Variants in DISC1 observed in about 807,000 individuals in gnomAD.
DISC1 encodes the protein disrupted in schizophrenia 1 protein.
A neutral mutation model predicts 84.5 loss-of-function variants in DISC1; 57 were observed. That is an observed-to-expected ratio of 0.67 (90% CI 0.55 to 0.84). The LOEUF is 0.84. DISC1 is among the 40% of genes least tolerant of loss of function. DISC1 has a pLI of 0.00. For missense variants in DISC1, 1,000 were observed against 1,057.8 expected (o/e 0.95, Z 0.76); for synonymous variants, 411 against 415.2 (o/e 0.99, Z 0.12).
At chr1:231,774,964 C>T (rs2076849119) in intron 6 of DISC1, 5 of 346,858 alleles carry the variant, frequency 1.4e-5, no homozygotes, top group Non-Finnish European at 2.9e-5. Context: ...ATGAACCCAT[C>T]TTACATACAT....
chr1:231,982,824 G>A (rs1411998713), intron 10 of DISC1, among the ~76,000 whole-genome samples: 4 of 152,172 alleles, frequency 2.6e-5, no homozygotes, highest in African/African-American at 4.8e-5. Context: ...AGGGTACATC[G>A]TAAGAGCAAG....
chr1:231,730,612 C>T (rs2071392327), intron 3 of DISC1, among the ~76,000 whole-genome samples: 1 of 152,056 alleles, frequency 6.6e-6, no homozygotes, highest in South Asian at 2.1e-4. Flanking sequence ...TGGAATTGGC[C>T]CAATAACAAC....
At chr1:232,022,298 G>A (rs1258012311) in intron 11 of DISC1, among the ~76,000 whole-genome samples, 2 of 150,742 alleles carry the variant, frequency 1.3e-5, no homozygotes, top group African/African-American at 4.9e-5. Flanking sequence ...TTGCACAGCT[G>A]ATACCCATGG....
At chr1:231,647,168 GT>G (rs1411889609) in intron 1 of DISC1, among the ~76,000 whole-genome samples, 1 of 152,122 alleles carries the variant, frequency 6.6e-6, no homozygotes, top group African/African-American at 2.4e-5. Context: ...TATTGCCTAG[GT>G]TTTCTTCTAG....
intron 6 of DISC1, among the ~76,000 whole-genome samples, chr1:231,771,835 G>T (rs1009102402): frequency 2.0e-5 from 3 of 152,094 alleles, no homozygotes; most frequent in Non-Finnish European, 4.4e-5. Context: ...ACAGGGTCTT[G>T]CTTTGTTGCC....
chr1:231,848,206 T>G (rs115640934), intron 9 of DISC1, among the ~76,000 whole-genome samples: 284 of 152,294 alleles, frequency 1.9e-3, no homozygotes, highest in African/African-American at 6.6e-3. Context: ...CCCTGTCCCT[T>G]GCATAACAGG....
chr1:231,838,371 G>A (rs1181804977), intron 9 of DISC1, among the ~76,000 whole-genome samples: 3 of 152,096 alleles, frequency 2.0e-5, no homozygotes, highest in Admixed American at 2.0e-4. Context: ...GAACTTTCCA[G>A]GCAAATGAAT....
chr1:231,794,391 T>TTA (rs775421109), intron 6 of DISC1, among the ~76,000 whole-genome samples: 14 of 152,250 alleles, frequency 9.2e-5, no homozygotes, highest in Non-Finnish European at 1.8e-4. Context: ...TGACAGCTTT[T>TTA]ATGTAGCAGT....
chr1:231,804,278 A>G (rs1573948615), intron 8 of DISC1, among the ~76,000 whole-genome samples: 1 of 152,198 alleles, frequency 6.6e-6, no homozygotes, highest in Non-Finnish European at 1.5e-5. Context: ...AAAGTGCCAC[A>G]GTATTTATTG....
chr1:232,026,433 A>G lies in DISC1; in HGVS notation c.2308-2A>G, dbSNP rs1669474650. On this transcript the variant is annotated splice_acceptor_variant, in intron 11 of 12. Coordinates refer to ENST00000439617, the MANE Select transcript of DISC1 (RefSeq NM_018662.3). LOFTEE classifies it high-confidence loss of function. The stretch of plus-strand genomic sequence containing the variant: ...GTGATCTTGTTTTCCCCCTCTCGCC[A>G]GGAATCTTACATCCTTTCTGCAGAA... The G allele has an allele frequency of 6.3e-7, 1 of 1,593,844 alleles. No homozygotes were observed. Among genetic ancestry groups the G allele is most frequent in the Non-Finnish European group, 8.6e-7 (1 of 1,168,170 alleles).
At chr1:231,733,206 A>G (rs946613685) in intron 3 of DISC1, among the ~76,000 whole-genome samples, 1 of 108,750 alleles carries the variant, frequency 9.2e-6, no homozygotes, top group Non-Finnish European at 1.9e-5. Flanking sequence ...TTGCTCAGGA[A>G]GAGTGTAGGA....
intron 1 of DISC1, among the ~76,000 whole-genome samples, chr1:231,683,294 C>G (rs896676740): frequency 5.3e-5 from 8 of 152,224 alleles, no homozygotes; most frequent in African/African-American, 1.9e-4. Context: ...GCCTTCCAGT[C>G]CTGACTGCCT....
At chr1:231,667,800 A>G (rs981828282) in intron 1 of DISC1, among the ~76,000 whole-genome samples, 2 of 152,198 alleles carry the variant, frequency 1.3e-5, no homozygotes, top group Admixed American at 1.3e-4. Flanking sequence ...TAAAAAATAA[A>G]TATTATTAGC....
chr1:231,806,455 C>CCTG (rs1289561649), intron 8 of DISC1, among the ~76,000 whole-genome samples: 2 of 152,314 alleles, frequency 1.3e-5, no homozygotes, highest in African/African-American at 4.8e-5. Flanking sequence ...GCCTGGGAGA[C>CCTG]CTGCTGGCTT....
intron 10 of DISC1, among the ~76,000 whole-genome samples, chr1:232,004,485 A>T (rs980577295): frequency 2.6e-5 from 4 of 152,204 alleles, no homozygotes; most frequent in African/African-American, 7.2e-5. Context: ...TATATAAAGG[A>T]TATAAAATAT....
intron 10 of DISC1, among the ~76,000 whole-genome samples, chr1:231,984,849 G>A (rs1664169664): frequency 6.6e-6 from 1 of 152,182 alleles, no homozygotes; most frequent in African/African-American, 2.4e-5. Flanking sequence ...GCCGACACAA[G>A]TAAGGGGTTG....
At chr1:231,899,520 A>G (rs2087980863) in intron 9 of DISC1, among the ~76,000 whole-genome samples, 1 of 152,184 alleles carries the variant, frequency 6.6e-6, no homozygotes, top group African/African-American at 2.4e-5. Flanking sequence ...AGTTTTACCT[A>G]ATTAAAATGC....
At chr1:231,906,162 A>T (rs547852854) in intron 9 of DISC1, among the ~76,000 whole-genome samples, 4 of 151,628 alleles carry the variant, frequency 2.6e-5, no homozygotes. Context: ...AGCTGGGACC[A>T]CAGACATGCG....
intron 4 of DISC1, among the ~76,000 whole-genome samples, chr1:231,751,936 A>G (rs920282197): frequency 6.6e-6 from 1 of 152,248 alleles, no homozygotes; most frequent in African/African-American, 2.4e-5. Flanking sequence ...TGATATCTAC[A>G]TGTATAGAGA....
Sources: allele counts gnomAD v4.1 joint callset (sites outside exome capture counted in the v4.1 genomes callset), GRCh38; gene constraint gnomAD v4.1.1; transcripts MANE v1.5; gene names NCBI Gene and HGNC (gene_info 2026-07-23, HGNC 2026-07-21).